The following MACROD2 variants were observed in gnomAD, a reference collection of about 807,000 sequenced individuals.
MACROD2 encodes mono-ADP ribosylhydrolase 2.
Under a neutral mutation model 70.4 loss-of-function variants are expected in MACROD2, and 36 were observed. That is an observed-to-expected ratio of 0.51 (90% CI 0.39 to 0.68). The LOEUF (loss-of-function observed/expected upper bound fraction) is 0.68. MACROD2 is among the 30% of genes least tolerant of loss of function. MACROD2 has a pLI of 0.00. For missense variants in MACROD2, 496 were observed against 538.4 expected, an observed-to-expected ratio of 0.92 and a Z score of 0.78; for synonymous variants, 172 against 178.8, an observed-to-expected ratio of 0.96 and a Z score of 0.30.
intron 7 of MACROD2, among the ~76,000 whole-genome samples, chr20:15,451,423 A>T (rs2046640589): frequency 7.8e-6 from 1 of 127,896 alleles, no homozygotes; most frequent in Non-Finnish European, 1.7e-5. Context: ...TAAATAAAAA[A>T]AAAAAAAAAA....
intron 6 of MACROD2, among the ~76,000 whole-genome samples, chr20:15,420,224 A>C (rs1250149661): frequency 6.6e-6 from 1 of 152,214 alleles, no homozygotes; most frequent in Non-Finnish European, 1.5e-5. Flanking sequence ...GGAAAATAAA[A>C]AGTTTGAAAG....
Position 14,326,775 on chromosome 20 carries a change from A to T in MACROD2, c.272-166704A>T, listed in dbSNP as rs201766195. On this transcript the variant is annotated intron_variant, in intron 3 of 17. Transcript: ENST00000684519. The surrounding 1 kb of genome is among the most constrained non-coding windows in gnomAD (Gnocchi z 5.5). ...AAAGCTTCCTCAGGTTTGTGCCTGG[A>T]AGGTTTACTGGTGCAGCAGTCAGGG... 5.6e-6 allele frequency: 9 copies of T among 1,613,786 alleles called. No individual in the cohort carries two copies. In the East Asian group the frequency reaches 2.0e-4, roughly 36 times the overall value.
intron 5 of MACROD2, among the ~76,000 whole-genome samples, chr20:15,138,072 C>A (rs1278649388): frequency 6.6e-6 from 1 of 151,948 alleles, no homozygotes; most frequent in Non-Finnish European, 1.5e-5. Context: ...AATTGAGTAA[C>A]CCCTGTTTTT....
At chr20:14,057,407 C>T (rs953947950) in intron 2 of MACROD2, among the ~76,000 whole-genome samples, 1 of 152,140 alleles carries the variant, frequency 6.6e-6, no homozygotes, top group Non-Finnish European at 1.5e-5. Context: ...TAAACTCCTA[C>T]ATCAGTATAA....
At chr20:14,301,064 G>A (rs1426987417) in intron 3 of MACROD2, among the ~76,000 whole-genome samples, 2 of 152,132 alleles carry the variant, frequency 1.3e-5, no homozygotes, top group Non-Finnish European at 2.9e-5. Context: ...ATCCTATCAG[G>A]TATGTATTCT....
chr20:15,814,431 C>G (rs1443749155), intron 8 of MACROD2, among the ~76,000 whole-genome samples: 1 of 152,198 alleles, frequency 6.6e-6, no homozygotes, highest in Non-Finnish European at 1.5e-5. Flanking sequence ...CTCTTATACA[C>G]CACATCTCAG....
At chr20:14,809,988 C>T (rs1372220451) in intron 5 of MACROD2, among the ~76,000 whole-genome samples, 1 of 152,036 alleles carries the variant, frequency 6.6e-6, no homozygotes, top group Non-Finnish European at 1.5e-5. Flanking sequence ...GACAGATTCA[C>T]AGCTGAATTC....
At chr20:14,316,462 C>G (rs2082612344) in intron 3 of MACROD2, among the ~76,000 whole-genome samples, 1 of 152,186 alleles carries the variant, frequency 6.6e-6, no homozygotes, top group African/African-American at 2.4e-5. Flanking sequence ...TTAAGACAAG[C>G]TTGTCCAACT....
At chr20:14,259,588 ATTTAT>A (rs2082085731) in intron 3 of MACROD2, among the ~76,000 whole-genome samples, 1 of 152,218 alleles carries the variant, frequency 6.6e-6, no homozygotes, top group Non-Finnish European at 1.5e-5. Context: ...TTAGTCAAAT[ATTTAT>A]TAAGCAGCTG....
intron 7 of MACROD2, among the ~76,000 whole-genome samples, chr20:15,484,308 TG>T (rs1177507524): frequency 6.6e-6 from 1 of 152,056 alleles, no homozygotes; most frequent in Non-Finnish European, 1.5e-5. Context: ...TTTAGTCATG[TG>T]GTGGTTAGAT....
At chr20:15,483,144 A>G (rs1281139057) in intron 7 of MACROD2, among the ~76,000 whole-genome samples, 4 of 152,148 alleles carry the variant, frequency 2.6e-5, no homozygotes, top group Non-Finnish European at 4.4e-5. Context: ...GTATATCCAA[A>G]GTTGCCTAGG....
At chr20:14,751,425 C>T (rs1010090071) in intron 5 of MACROD2, among the ~76,000 whole-genome samples, 1 of 152,076 alleles carries the variant, frequency 6.6e-6, no homozygotes, top group Admixed American at 6.6e-5. Flanking sequence ...TACTCTGTCT[C>T]TTTTCTTCTT....
chr20:15,057,106 T>G (rs2075492667), intron 5 of MACROD2, among the ~76,000 whole-genome samples: 1 of 152,182 alleles, frequency 6.6e-6, no homozygotes, highest in Admixed American at 6.5e-5. Context: ...CCATATATAT[T>G]TTTTAAAAAA....
chr20:14,638,245 TA>T (rs1205259534), intron 4 of MACROD2, among the ~76,000 whole-genome samples: 1 of 152,212 alleles, frequency 6.6e-6, no homozygotes, highest in Non-Finnish European at 1.5e-5. Context: ...GATGATTTTT[TA>T]AAATATTATT....
intron 3 of MACROD2, among the ~76,000 whole-genome samples, chr20:14,241,341 G>T (rs180688131): frequency 1.3e-5 from 2 of 152,240 alleles, no homozygotes; most frequent in African/African-American, 4.8e-5. Flanking sequence ...TGGTTTATGT[G>T]TAGAAGGCTT....
chr20:15,541,657 A>G (rs1830226024), intron 8 of MACROD2, among the ~76,000 whole-genome samples: 2 of 152,214 alleles, frequency 1.3e-5, no homozygotes, highest in South Asian at 2.1e-4. Context: ...ATTAATTTTA[A>G]TAGATTTTCT....
At chr20:14,759,079 GA>G (rs1254874527) in intron 5 of MACROD2, among the ~76,000 whole-genome samples, 10 of 152,054 alleles carry the variant, frequency 6.6e-5, no homozygotes, top group African/African-American at 2.4e-4. Context: ...GTGCCTTTTT[GA>G]AATGAGGTAG....
At chr20:15,782,405 A>T (rs1477412245) in intron 8 of MACROD2, among the ~76,000 whole-genome samples, 1 of 152,072 alleles carries the variant, frequency 6.6e-6, no homozygotes, top group Non-Finnish European at 1.5e-5. Flanking sequence ...AATTTGATTT[A>T]ATTGATTATG....
chr20:15,399,130 A>C (rs73901019), intron 6 of MACROD2, among the ~76,000 whole-genome samples: 8,286 of 152,056 alleles, frequency 0.054, 593 homozygotes, highest in African/African-American at 0.16. Flanking sequence ...GGGCCCTTTG[A>C]CTTCCCCAAG....
Sources: allele counts gnomAD v4.1 joint callset (sites outside exome capture counted in the v4.1 genomes callset), GRCh38; gene constraint gnomAD v4.1.1; non-coding constraint Gnocchi (gnomAD v3.1); transcripts MANE v1.5; gene names NCBI Gene and HGNC (gene_info 2026-07-23, HGNC 2026-07-21).